The following SNTG2 variants were observed in gnomAD, a reference collection of about 807,000 sequenced individuals.
SNTG2 encodes syntrophin gamma 2, also known as gamma-2-syntrophin.
A neutral mutation model predicts 70.9 loss-of-function variants in SNTG2; 74 were observed. That is an observed-to-expected ratio of 1.04 (90% CI 0.86 to 1.27). The LOEUF (loss-of-function observed/expected upper bound fraction) is 1.27, where lower values mean the gene tolerates loss of function less well. SNTG2 is among the 50% of genes most tolerant of loss of function. SNTG2 has a pLI of 0.00. For missense variants in SNTG2, 717 were observed against 690.7 expected (o/e 1.04, Z -0.43); for synonymous variants, 278 against 273.8 (o/e 1.02, Z -0.15).
chr2:1,325,560 A>T (rs942810431), intron 16 of SNTG2, among the ~76,000 whole-genome samples: 1 of 152,220 alleles, frequency 6.6e-6, no homozygotes, highest in Non-Finnish European at 1.5e-5. Flanking sequence ...GAAGTTTTTA[A>T]GTAGTCTAAT....
At chr2:1,194,432 T>C (rs1351576291) in intron 8 of SNTG2, among the ~76,000 whole-genome samples, 1 of 152,196 alleles carries the variant, frequency 6.6e-6, no homozygotes, top group African/African-American at 2.4e-5. Context: ...GTGGGAATCT[T>C]TCTTTCTTAG....
At chr2:1,053,351 T>G (rs1238025633) in intron 1 of SNTG2, among the ~76,000 whole-genome samples, 3 of 152,210 alleles carry the variant, frequency 2.0e-5, no homozygotes, top group African/African-American at 7.2e-5. Flanking sequence ...GGCAAAAATA[T>G]CAATTTTACA....
intron 16 of SNTG2, among the ~76,000 whole-genome samples, chr2:1,337,068 T>C (rs1478823092): frequency 1.3e-5 from 2 of 152,176 alleles, no homozygotes; most frequent in Admixed American, 1.3e-4. Context: ...CTTTTTTAGG[T>C]TGAATAATAT....
chr2:979,253 G>A (rs963637535), intron 1 of SNTG2, among the ~76,000 whole-genome samples: 3 of 152,212 alleles, frequency 2.0e-5, no homozygotes, highest in African/African-American at 7.2e-5. Flanking sequence ...TATAGTGGCT[G>A]CTTCAGGCAT....
At chr2:1,143,797 C>T (rs532671082) in intron 6 of SNTG2, among the ~76,000 whole-genome samples, 17 of 150,738 alleles carry the variant, frequency 1.1e-4, no homozygotes, top group East Asian at 2.0e-4. Flanking sequence ...TGCTTGAGCC[C>T]GGGAGGCAGA....
chr2:1,218,701 G>A (rs1320720457), intron 9 of SNTG2, among the ~76,000 whole-genome samples: 1 of 152,174 alleles, frequency 6.6e-6, no homozygotes, highest in East Asian at 1.9e-4. Context: ...GGTGCCTCTG[G>A]GATGTGCCCC....
At chr2:1,240,489 G>A (rs1450602831) in intron 11 of SNTG2, among the ~76,000 whole-genome samples, 1 of 152,196 alleles carries the variant, frequency 6.6e-6, no homozygotes, top group Non-Finnish European at 1.5e-5. Context: ...ATGTAAGGGA[G>A]TATGTTATTT....
At chr2:1,196,961 C>T (rs1672946542) in intron 8 of SNTG2, among the ~76,000 whole-genome samples, 1 of 151,702 alleles carries the variant, frequency 6.6e-6, no homozygotes, top group East Asian at 1.9e-4. Flanking sequence ...GTAGAGCAGA[C>T]AAGTAAATGA....
intron 6 of SNTG2, among the ~76,000 whole-genome samples, chr2:1,147,063 T>C (rs2147792337): frequency 6.6e-6 from 1 of 152,362 alleles, no homozygotes; most frequent in East Asian, 1.9e-4. Flanking sequence ...GTTAACTTTA[T>C]ATAATAGCAT....
intron 1 of SNTG2, among the ~76,000 whole-genome samples, chr2:975,984 G>A (rs1432476451): frequency 1.3e-5 from 2 of 152,190 alleles, no homozygotes; most frequent in African/African-American, 4.8e-5. Context: ...AGGACAGTCT[G>A]TTGTCTCTTG....
intron 6 of SNTG2, among the ~76,000 whole-genome samples, chr2:1,146,155 C>T (rs1350884624): frequency 3.3e-5 from 5 of 152,124 alleles, no homozygotes; most frequent in African/African-American, 9.7e-5. Flanking sequence ...ACAAGGATGT[C>T]TCTTCTCATC....
At chr2:1,137,886 C>T (rs1182757473) in intron 6 of SNTG2, 77 bp downstream of exon 6, 2 of 1,321,434 alleles carry the variant, frequency 1.5e-6, no homozygotes, top group Non-Finnish European at 1.1e-6. Flanking sequence ...GTTGATATTT[C>T]ACTGAGTCTA....
intron 15 of SNTG2, among the ~76,000 whole-genome samples, chr2:1,312,292 G>A (rs1681034993): frequency 6.6e-6 from 1 of 152,186 alleles, no homozygotes; most frequent in African/African-American, 2.4e-5. Context: ...GCCCCACGCA[G>A]GCGGGTCTCC....
At chr2:1,024,396 G>T (rs1450867182) in intron 1 of SNTG2, among the ~76,000 whole-genome samples, 1 of 152,034 alleles carries the variant, frequency 6.6e-6, no homozygotes, top group Non-Finnish European at 1.5e-5. Flanking sequence ...TTTAGACAGG[G>T]TCTCCATCTG....
chr2:1,284,127 A>C (rs540182382), intron 14 of SNTG2, among the ~76,000 whole-genome samples: 1 of 152,192 alleles, frequency 6.6e-6, no homozygotes, highest in South Asian at 2.1e-4. Flanking sequence ...CTGGCAATTT[A>C]TTTCTCCAAA....
At chr2:1,331,595 T>G (rs1659532786) in intron 16 of SNTG2, among the ~76,000 whole-genome samples, 1 of 152,180 alleles carries the variant, frequency 6.6e-6, no homozygotes, top group African/African-American at 2.4e-5. Flanking sequence ...TCCCACCCAA[T>G]GGAATCCCAG....
At chr2:1,257,252 T>A (rs1351886862) in intron 12 of SNTG2, among the ~76,000 whole-genome samples, 1 of 152,174 alleles carries the variant, frequency 6.6e-6, no homozygotes, top group Non-Finnish European at 1.5e-5. Flanking sequence ...TACCTGTGTC[T>A]GCGATCGAGG....
At chr2:1,286,213 G>A (rs1679759477) in intron 14 of SNTG2, among the ~76,000 whole-genome samples, 1 of 152,134 alleles carries the variant, frequency 6.6e-6, no homozygotes, top group African/African-American at 2.4e-5. Flanking sequence ...ATTTTGCTAG[G>A]GGATCACTAG....
intron 13 of SNTG2, among the ~76,000 whole-genome samples, chr2:1,260,515 A>T (rs1678359318): frequency 6.6e-6 from 1 of 152,234 alleles, no homozygotes; most frequent in African/African-American, 2.4e-5. Flanking sequence ...TGTAATAAAC[A>T]ATCATTGATC....
Sources: gnomAD v4.1 joint callset for allele counts (sites outside exome capture counted in the v4.1 genomes callset) on GRCh38, gnomAD v4.1.1 for gene constraint, MANE v1.5 for transcripts, NCBI Gene and HGNC (gene_info 2026-07-23, HGNC 2026-07-21) for gene names.